NPAS3: variants seen among roughly 807,000 people sequenced by gnomAD.
NPAS3 encodes neuronal PAS domain protein 3, also known as neuronal PAS domain-containing protein 3.
A neutral mutation model predicts 73.1 loss-of-function variants in NPAS3; 14 were observed. The observed-to-expected ratio is 0.19, with a 90% CI of 0.13 to 0.30. The LOEUF is 0.30. NPAS3 is among the 10% of genes least tolerant of loss of function. The pLI, the probability that NPAS3 is intolerant of heterozygous loss-of-function variation, is 1.00. For synonymous variants in NPAS3, 620 were observed against 541.5 expected (o/e 1.14, Z -2.01); for missense variants, 1,096 against 1,250.0 (o/e 0.88, Z 1.86).
intron 4 of NPAS3, among the ~76,000 whole-genome samples, chr14:33,417,739 G>A (rs934129205): frequency 1.3e-5 from 2 of 151,408 alleles, no homozygotes; most frequent in South Asian, 2.1e-4. Context: ...AAGCAACCTG[G>A]GCAATGTGAA....
intron 4 of NPAS3, 112 bp from the exon 5 acceptor site, chr14:33,560,009 C>CAAGA (rs2055562509): frequency 5.8e-5 from 23 of 393,850 alleles, no homozygotes; most frequent in South Asian, 1.6e-4. Flanking sequence ...GACTCTGTCT[C>CAAGA]AAAAAAAAAA....
chr14:33,237,100 C>T (rs910762779), intron 3 of NPAS3, among the ~76,000 whole-genome samples: 1 of 151,950 alleles, frequency 6.6e-6, no homozygotes. Flanking sequence ...TTTGAAGAAA[C>T]GTCATGTTTT....
intron 6 of NPAS3, among the ~76,000 whole-genome samples, chr14:33,693,071 A>G (rs1431696843): frequency 6.7e-6 from 1 of 149,286 alleles, no homozygotes; most frequent in Non-Finnish European, 1.5e-5. Flanking sequence ...ATATTTATAC[A>G]TTGATTGAAA....
At chr14:33,269,702 TA>T (rs2040981408) in intron 3 of NPAS3, among the ~76,000 whole-genome samples, 1 of 152,072 alleles carries the variant, frequency 6.6e-6, no homozygotes, top group Admixed American at 6.6e-5. Context: ...TGGCCTCTGA[TA>T]TACAAAACAA....
chr14:33,358,412 G>A (rs539726613), intron 3 of NPAS3, among the ~76,000 whole-genome samples: 14 of 152,166 alleles, frequency 9.2e-5, no homozygotes, highest in Non-Finnish European at 1.6e-4. Context: ...TCGTTGTCGC[G>A]GGCAGGATGA....
intron 3 of NPAS3, among the ~76,000 whole-genome samples, chr14:33,329,088 C>A (rs759606700): frequency 1.3e-5 from 2 of 152,138 alleles, no homozygotes; most frequent in Non-Finnish European, 1.5e-5. Context: ...CATCAAAACT[C>A]CCTAAATTGA....
At chr14:33,299,126 A>AT (rs2042422494) in intron 3 of NPAS3, among the ~76,000 whole-genome samples, 1 of 152,214 alleles carries the variant, frequency 6.6e-6, no homozygotes, top group African/African-American at 2.4e-5. Flanking sequence ...CTATGTCTAT[A>AT]TACCAAAGTT....
At chr14:33,741,191 G>A (rs1014117411) in intron 7 of NPAS3, among the ~76,000 whole-genome samples, 2 of 152,102 alleles carry the variant, frequency 1.3e-5, no homozygotes, top group African/African-American at 4.8e-5. Flanking sequence ...GTTGTTCCAG[G>A]TGTCCAGACA....
At chr14:33,304,355 A>G (rs1226544743) in intron 3 of NPAS3, among the ~76,000 whole-genome samples, 3 of 152,118 alleles carry the variant, frequency 2.0e-5, no homozygotes, top group Non-Finnish European at 2.9e-5. Flanking sequence ...TCTAGTTTGA[A>G]TCTTGTTTTA....
intron 2 of NPAS3, among the ~76,000 whole-genome samples, chr14:33,160,736 C>CTT (rs531842982): frequency 0.057 from 8,383 of 147,418 alleles, 244 homozygotes; most frequent in South Asian, 0.086. Flanking sequence ...TATTTATTTA[C>CTT]TTTTTTTTTG....
chr14:33,219,971 T>C (rs2047362511), intron 3 of NPAS3, among the ~76,000 whole-genome samples: 1 of 152,156 alleles, frequency 6.6e-6, no homozygotes, highest in African/African-American at 2.4e-5. Context: ...TTCTACCAAG[T>C]GACATTCATG....
intron 4 of NPAS3, among the ~76,000 whole-genome samples, chr14:33,460,994 T>G (rs1310762678): frequency 6.6e-6 from 1 of 152,200 alleles, no homozygotes; most frequent in African/African-American, 2.4e-5. Context: ...AACAAGGACA[T>G]TTTTGAACTG....
chr14:33,456,748 G>A lies in NPAS3; in HGVS notation c.468+89480G>A, dbSNP rs2050040215. Among the ~76,000 whole-genome samples the A allele has an allele frequency of 2.6e-5, 4 of 152,286 alleles. No individual in the cohort carries two copies. The South Asian group carries it at 8.3e-4, about 32-fold the overall frequency. On this transcript the variant is annotated intron_variant, in intron 4 of 11. Transcript: ENST00000356141. ...TCCCAACTCTACTGATCTCTGTGTG[G>A]AAGGGAGGCAGAGCTGGCATGCAGC...
At chr14:33,625,043 T>A (rs918576231) in intron 5 of NPAS3, among the ~76,000 whole-genome samples, 19 of 152,170 alleles carry the variant, frequency 1.2e-4, no homozygotes, top group Admixed American at 7.2e-4. Context: ...CTGTGTAGGG[T>A]CTGTCTTAGT....
Position 33,560,195 on chromosome 14 carries a change from C to T in NPAS3, c.543C>T (p.Tyr181=), listed in dbSNP as rs781589794. 6.9e-6 allele frequency: 6 copies of T among 869,460 alleles called. No individual in the cohort carries two copies. The Admixed American group carries it at 1.0e-4, about 15-fold the overall frequency. 53.9% of individuals were successfully genotyped at this position (869,460 alleles called of 1,614,324 possible). ...ACATTTCCGAAACAGTCTCCATCTA[C>T]CTAGGCCTCTCACAAGTAAGTAAAA... Residue 181 remains tyrosine, a synonymous_variant, in exon 5 of 12, where the codon TAC becomes TAT. Coordinates refer to ENST00000356141, the Ensembl canonical transcript of NPAS3.
intron 2 of NPAS3, chr14:33,214,123 A>G (rs1288735005): frequency 6.6e-6 from 1 of 152,192 alleles, no homozygotes; most frequent in Non-Finnish European, 1.5e-5. Context: ...AAATGCATAC[A>G]TAAAAATGAT....
rs577288483 is a variant in NPAS3 at position 33,721,777 on chromosome 14, G to A, written c.734-13437G>A. On this transcript the variant is annotated intron_variant, in intron 6 of 11. Transcript: ENST00000356141. ...AGTAAAACATGAGGATAAGCACTAC[G>A]TATATGATCTGAACCTTTACGTCAT... Among the ~76,000 whole-genome samples, 4 of 152,270 alleles carry A rather than the reference G, an allele frequency of 2.6e-5. No individual in the cohort carries two copies. In the South Asian group the frequency reaches 8.3e-4, roughly 32 times the overall value.
At chr14:33,234,583 A>G (rs924990733) in intron 3 of NPAS3, among the ~76,000 whole-genome samples, 1 of 152,134 alleles carries the variant, frequency 6.6e-6, no homozygotes, top group Non-Finnish European at 1.5e-5. Flanking sequence ...CTAGAAATGA[A>G]ATTAGAGAGA....
chr14:33,631,081 G>T (rs924393116), intron 5 of NPAS3, among the ~76,000 whole-genome samples: 1 of 152,126 alleles, frequency 6.6e-6, no homozygotes, highest in African/African-American at 2.4e-5. Flanking sequence ...TTCTTCCACT[G>T]TGCAACAATA....
Sources: allele counts gnomAD v4.1 joint callset (sites outside exome capture counted in the v4.1 genomes callset), GRCh38; gene constraint gnomAD v4.1.1; transcripts MANE v1.5; gene names NCBI Gene and HGNC (gene_info 2026-07-23, HGNC 2026-07-21).